CTIF: variants seen among roughly 807,000 people sequenced by gnomAD.
CTIF encodes the protein cap binding complex dependent translation initiation factor.
Under a neutral mutation model 66.0 loss-of-function variants are expected in CTIF, and 21 were observed. The observed-to-expected ratio is 0.32, with a 90% CI of 0.23 to 0.46. The LOEUF (loss-of-function observed/expected upper bound fraction) is 0.46. Ranked by LOEUF, CTIF falls within the 20% of genes least tolerant of loss-of-function variation. The pLI, the probability that CTIF is intolerant of heterozygous loss-of-function variation, is 1.00. For missense variants in CTIF, 739 were observed against 812.7 expected (o/e 0.91, Z 1.10); for synonymous variants, 345 against 326.4 (o/e 1.06, Z -0.62).
At chr18:48,613,235 G>A (rs1318054134) in intron 1 of CTIF, among the ~76,000 whole-genome samples, 2 of 152,162 alleles carry the variant, frequency 1.3e-5, no homozygotes, top group Non-Finnish European at 2.9e-5. Flanking sequence ...TCCACTGATT[G>A]TCTCTAGCCT....
chr18:48,597,053 A>G (rs1383235192), intron 1 of CTIF, among the ~76,000 whole-genome samples: 1 of 152,138 alleles, frequency 6.6e-6, no homozygotes, highest in African/African-American at 2.4e-5. Context: ...TCTCCTGGGG[A>G]TGCTGAGTGG....
intron 1 of CTIF, among the ~76,000 whole-genome samples, chr18:48,593,545 C>T (rs946961945): frequency 6.6e-6 from 1 of 151,658 alleles, no homozygotes; most frequent in Non-Finnish European, 1.5e-5. Flanking sequence ...CAATGCCCGG[C>T]TAATTTTTTT....
At position 48,761,839 on chromosome 18, in the gene CTIF, A is replaced by C. The variant is rs959907502; in HGVS notation, c.1371+150A>C. 5.1e-6 allele frequency: 4 copies of C among 782,378 alleles called. No individual in the cohort carries two copies. Among genetic ancestry groups the C allele is most frequent in the Admixed American group, 5.8e-5 (2 of 34,548 alleles). The allele number at this position is 782,378 out of a possible 1,614,324, so 48.5% of individuals were successfully genotyped here. ...GATTAATTATAGAAAACACAAAGGC[A>C]GTTAAGGGGCCAGGAATGAGCGGCT... On this transcript the variant is annotated intron_variant, in intron 9 of 11. Transcript: ENST00000256413. This position sits in a 1 kb window ranked among gnomAD's most constrained non-coding sequence, Gnocchi z 4.2.
At chr18:48,593,267 G>T (rs531867095) in intron 1 of CTIF, among the ~76,000 whole-genome samples, 1 of 152,276 alleles carries the variant, frequency 6.6e-6, no homozygotes, top group Non-Finnish European at 1.5e-5. Context: ...TTAAGACTTC[G>T]CAGAAAAGGG....
At chr18:48,746,101 C>T (rs1433853357) in intron 7 of CTIF, among the ~76,000 whole-genome samples, 1 of 152,244 alleles carries the variant, frequency 6.6e-6, no homozygotes, top group African/African-American at 2.4e-5. Context: ...CGCCAAGAGC[C>T]TGGAGGCTCC....
chr18:48,563,077 G>A lies in CTIF; in HGVS notation c.-29+23765G>A, dbSNP rs111927307. 7.7e-3 allele frequency among the ~76,000 whole-genome samples: 1,167 copies of A among 152,334 alleles called. 8 individuals carry two copies. Among genetic ancestry groups the A allele is most frequent in the African/African-American group, 0.027 (1,120 of 41,582 alleles). On this transcript the variant is annotated intron_variant, in intron 1 of 11. Coordinates refer to ENST00000256413, the MANE Select transcript of CTIF (RefSeq NM_014772.3). ...ATTTAGGAGCTTTAGCATAGCACCCGCCTCTTGGGCAGGTGGGAGCCTGGG... is the reference window on the plus strand; with the variant it reads ...ATTTAGGAGCTTTAGCATAGCACCCACCTCTTGGGCAGGTGGGAGCCTGGG...
At chr18:48,685,301 C>A (rs1263955637) in intron 6 of CTIF, among the ~76,000 whole-genome samples, 1 of 152,088 alleles carries the variant, frequency 6.6e-6, no homozygotes. Context: ...CGGCTCACTG[C>A]AACCTCCGCC....
At chr18:48,559,413 A>G (rs951813587) in intron 1 of CTIF, among the ~76,000 whole-genome samples, 2 of 152,224 alleles carry the variant, frequency 1.3e-5, no homozygotes, top group Non-Finnish European at 2.9e-5. Flanking sequence ...GTGGAAGCAG[A>G]TAGCTTGGTG....
rs2069423765 is a variant in CTIF at position 48,859,925 on chromosome 18, CTCGCACGCCGGGGCA to C, written c.*367_*381del. Reference sequence around the variant, plus strand: ...GTGACTCCTCGGAGACCTTGGCAGCCTCGCACGCCGGGGCACCGCTTGGGTCAGAAAGGACCTCGG... The same window carrying C: ...GTGACTCCTCGGAGACCTTGGCAGCCCCGCTTGGGTCAGAAAGGACCTCGG... On this transcript the variant is annotated 3_prime_UTR_variant, in exon 12 of 12. Transcript: ENST00000256413. The C allele has an allele frequency of 2.0e-6, 1 of 493,590 alleles. No individual in the cohort carries two copies. Among genetic ancestry groups the C allele is most frequent in the Non-Finnish European group, 4.0e-6 (1 of 251,974 alleles). 30.6% of individuals were successfully genotyped at this position (493,590 alleles called of 1,614,324 possible).
intron 10 of CTIF, among the ~76,000 whole-genome samples, chr18:48,847,930 C>T (rs1419919727): frequency 6.6e-6 from 1 of 152,198 alleles, no homozygotes; most frequent in Non-Finnish European, 1.5e-5. Context: ...TTCTTGATGA[C>T]TCGTCATTAC....
intron 7 of CTIF, among the ~76,000 whole-genome samples, chr18:48,712,774 C>T (rs571193350): frequency 6.6e-6 from 1 of 152,342 alleles, no homozygotes; most frequent in East Asian, 1.9e-4. Context: ...TCTGATCCTT[C>T]CCTACGCATG....
chr18:48,722,484 G>A (rs2092347806), intron 7 of CTIF, among the ~76,000 whole-genome samples: 1 of 152,076 alleles, frequency 6.6e-6, no homozygotes, highest in Non-Finnish European at 1.5e-5. Context: ...GCCTCCCACA[G>A]TGCTAGGATT....
At chr18:48,793,352 A>C (rs1466715685) in intron 9 of CTIF, among the ~76,000 whole-genome samples, 1 of 152,182 alleles carries the variant, frequency 6.6e-6, no homozygotes, top group Non-Finnish European at 1.5e-5. Context: ...GGTAAGGCTT[A>C]AATTTCAGCT....
chr18:48,582,860 G>A (rs2089690182), intron 1 of CTIF, among the ~76,000 whole-genome samples: 1 of 152,154 alleles, frequency 6.6e-6, no homozygotes, highest in South Asian at 2.1e-4. Flanking sequence ...ATCTAGTGAG[G>A]GGCAGAGCCT....
chr18:48,581,935 C>G (rs888484414), intron 1 of CTIF, among the ~76,000 whole-genome samples: 1 of 151,978 alleles, frequency 6.6e-6, no homozygotes, highest in African/African-American at 2.4e-5. Context: ...CAAAGCGGGG[C>G]AGACCTTCTG....
At chr18:48,651,308 A>C (rs1334275233) in intron 3 of CTIF, among the ~76,000 whole-genome samples, 1 of 152,228 alleles carries the variant, frequency 6.6e-6, no homozygotes, top group East Asian at 1.9e-4. Context: ...AGATCTATCA[A>C]GCAAATGGAA....
At chr18:48,645,529 T>G (rs2091014642) in intron 3 of CTIF, among the ~76,000 whole-genome samples, 1 of 152,144 alleles carries the variant, frequency 6.6e-6, no homozygotes, top group South Asian at 2.1e-4. Flanking sequence ...TCCAACCCCC[T>G]ACCAGAGTAG....
chr18:48,740,482 T>C (rs1033737483), intron 7 of CTIF, among the ~76,000 whole-genome samples: 10 of 152,260 alleles, frequency 6.6e-5, no homozygotes, highest in African/African-American at 2.4e-4. Flanking sequence ...CCTTCCCTGC[T>C]GGACTGTCCT....
intron 1 of CTIF, among the ~76,000 whole-genome samples, chr18:48,609,453 A>G (rs1025058020): frequency 2.6e-5 from 4 of 152,186 alleles, no homozygotes; most frequent in Non-Finnish European, 4.4e-5. Context: ...TGAGTGCTTG[A>G]TGTATGCCTA....
Sources: gnomAD v4.1 joint callset for allele counts (sites outside exome capture counted in the v4.1 genomes callset) on GRCh38, gnomAD v4.1.1 for gene constraint, Gnocchi (gnomAD v3.1) non-coding constraint, MANE v1.5 for transcripts, NCBI Gene and HGNC (gene_info 2026-07-23, HGNC 2026-07-21) for gene names.